The following RAD9B variants were observed in gnomAD, a reference collection of about 807,000 sequenced individuals.
RAD9B encodes cell cycle checkpoint control protein RAD9B.
In RAD9B, 41 loss-of-function variants were observed where a neutral mutation model predicts 48.3. The ratio of observed to expected loss-of-function variants is 0.85; its 90% CI spans 0.66 to 1.10. The LOEUF (loss-of-function observed/expected upper bound fraction) is 1.10, where lower values mean the gene tolerates loss of function less well. Among genes scored for constraint, RAD9B ranks in the 50% least tolerant of loss-of-function variants. The pLI is 0.00. For synonymous variants in RAD9B, 160 were observed against 157.9 expected (o/e 1.01, Z -0.10); for missense variants, 444 against 485.1 (o/e 0.92, Z 0.80).
chr12:110,520,745 G>C (rs2063761894), intron 9 of RAD9B, among the ~76,000 whole-genome samples: 1 of 149,626 alleles, frequency 6.7e-6, no homozygotes, highest in Admixed American at 6.7e-5. Context: ...CCACCCCCTG[G>C]GTTCAAGCAA....
At chr12:110,523,072 G>A (rs958195904) in intron 10 of RAD9B, among the ~76,000 whole-genome samples, 1 of 152,056 alleles carries the variant, frequency 6.6e-6, no homozygotes, top group Non-Finnish European at 1.5e-5. Context: ...TGTTATTGTT[G>A]GTTTGGAGAT....
chr12:110,530,468 T>C (rs899639689), intron 10 of RAD9B, 57 bp from the exon 11 acceptor site: 8 of 1,569,886 alleles, frequency 5.1e-6, no homozygotes, highest in Middle Eastern at 1.7e-4. Flanking sequence ...ACCTGGAGCA[T>C]TTAATGAGCA....
At chr12:110,510,607 C>T (rs533206270) in intron 4 of RAD9B, among the ~76,000 whole-genome samples, 57 of 152,166 alleles carry the variant, frequency 3.7e-4, no homozygotes, top group African/African-American at 1.3e-3. Context: ...AGTTGAGGCC[C>T]CAGACATGAA....
intron 6 of RAD9B, 122 bp from the exon 7 acceptor site, chr12:110,518,554 A>C: frequency 3.5e-6 from 2 of 569,492 alleles, no homozygotes; most frequent in African/African-American, 1.9e-5. Context: ...CAGGTGGGGA[A>C]GTTAGGGTAC....
At chr12:110,518,838 A>C in intron 7 of RAD9B, 36 bp from the exon 8 acceptor site, 1 of 1,573,758 alleles carries the variant, frequency 6.4e-7, no homozygotes, top group Non-Finnish European at 8.6e-7. Context: ...AGTTTTTATA[A>C]GGATTTTAAG....
At chr12:110,509,295 G>A (rs1012608250) in intron 4 of RAD9B, among the ~76,000 whole-genome samples, 1 of 151,094 alleles carries the variant, frequency 6.6e-6, no homozygotes, top group African/African-American at 2.4e-5. Flanking sequence ...TTGTAGAGAT[G>A]GGGTTTCACC....
chr12:110,512,929 T>A, intron 5 of RAD9B, 51 bp downstream of exon 5: 1 of 895,832 alleles, frequency 1.1e-6, no homozygotes, highest in Non-Finnish European at 1.8e-6. Flanking sequence ...AGTATGATCA[T>A]GGAGTGAAGA....
At chr12:110,527,574 T>C (rs1177490804) in intron 10 of RAD9B, among the ~76,000 whole-genome samples, 1 of 152,236 alleles carries the variant, frequency 6.6e-6, no homozygotes, top group African/African-American at 2.4e-5. Context: ...CTTGTGGTAC[T>C]GTGCAGCTCC....
In RAD9B at chr12:110,512,797, A is replaced by C; in HGVS notation, c.407A>C (p.Asn136Thr). The C allele has an allele frequency of 7.1e-7, 1 of 1,415,606 alleles. No individual in the cohort carries two copies. Among genetic ancestry groups the C allele is most frequent in the Non-Finnish European group, 9.8e-7 (1 of 1,024,982 alleles). 87.7% of individuals were successfully genotyped at this position (1,415,606 alleles called of 1,614,324 possible). A position where few individuals can be genotyped will look rare whatever the true frequency, so the allele number is the denominator to read the frequency against. ...FYRHGIKRTH[N>T]ICFQESQPLQ... is the part of the protein sequence containing the mutation. ...TTTTAAGGTATTAAAAGAACTCATAATATATGTTTTCAAGAAAGTCAGCCT... is the reference window on the plus strand; with the variant it reads ...TTTTAAGGTATTAAAAGAACTCATACTATATGTTTTCAAGAAAGTCAGCCT... The change falls in exon 5 of 11, where the codon AAT becomes ACT. Residue 136 changes from asparagine (N) to threonine (T), a missense_variant. Coordinates refer to ENST00000409300, the MANE Select transcript of RAD9B (RefSeq NM_001286535.2).
chr12:110,502,531 C>A, intron 1 of RAD9B, 148 bp downstream of exon 1: 1 of 843,082 alleles, frequency 1.2e-6, no homozygotes, highest in Non-Finnish European at 1.9e-6. Context: ...CCACTCAAGT[C>A]CCTGTTAACT....
intron 10 of RAD9B, among the ~76,000 whole-genome samples, chr12:110,522,953 C>A (rs188216335): frequency 1.2e-4 from 19 of 152,046 alleles, no homozygotes; most frequent in Non-Finnish European, 2.6e-4. Flanking sequence ...TTAAACCTTA[C>A]GAAATCTACT....
chr12:110,526,089 G>C (rs988905773), intron 10 of RAD9B, among the ~76,000 whole-genome samples: 3 of 152,296 alleles, frequency 2.0e-5, no homozygotes, highest in African/African-American at 7.2e-5. Context: ...CACCTGCCTT[G>C]GCCTCCCAAA....
chr12:110,506,819 G>A, intron 4 of RAD9B, 126 bp downstream of exon 4: 1 of 556,960 alleles, frequency 1.8e-6, no homozygotes, highest in South Asian at 2.0e-5. Context: ...GTAGTTAAGT[G>A]GTAGGGCAGT....
In RAD9B at chr12:110,531,070, A is replaced by C; in HGVS notation, c.*417A>C. The C allele has an allele frequency of 1.0e-6, 1 of 998,574 alleles. No individual in the cohort carries two copies. The highest frequency in any genetic ancestry group is 1.2e-6 in the Non-Finnish European group (1 of 838,856). The allele number at this position is 998,574 out of a possible 1,614,324, so 61.9% of individuals were successfully genotyped here. A position where few individuals can be genotyped will look rare whatever the true frequency, so the allele number is the denominator to read the frequency against. The stretch of plus-strand genomic sequence containing the variant: ...TCAGGTATCTTTTGTATTTGATTGC[A>C]AACATTTGGATTTTAGTTTTCTCAT... On this transcript the variant is annotated 3_prime_UTR_variant, in exon 11 of 11. Coordinates refer to ENST00000409300, the MANE Select transcript of RAD9B (RefSeq NM_001286535.2).
At chr12:110,502,487 T>G (rs2135626440) in intron 1 of RAD9B, 104 bp downstream of exon 1, 24 of 1,295,986 alleles carry the variant, frequency 1.9e-5, no homozygotes, top group Non-Finnish European at 2.2e-5. Context: ...TTTTGCGCAA[T>G]GACTGAGGAC....
chr12:110,510,460 T>C (rs1378473320), intron 4 of RAD9B, among the ~76,000 whole-genome samples: 1 of 152,186 alleles, frequency 6.6e-6, no homozygotes, highest in Non-Finnish European at 1.5e-5. Flanking sequence ...TAAGTGTTAT[T>C]GTGTGAGTTC....
At chr12:110,502,417 G>T in intron 1 of RAD9B, 34 bp downstream of exon 1, 2 of 1,611,186 alleles carry the variant, frequency 1.2e-6, no homozygotes, top group South Asian at 2.2e-5. Context: ...CCATTTAGCA[G>T]AGAGAAAAGC....
At position 110,522,397 on chromosome 12, in the gene RAD9B, C is replaced by G. The variant is rs2063813989; in HGVS notation, c.1111C>G (p.Leu371Val). The change falls in exon 10 of 11, where the codon CTG becomes GTG. Residue 371 changes from leucine (L) to valine (V), a missense_variant. By Grantham distance (32) the Leu-to-Val change is conservative. Coordinates refer to ENST00000409300, the MANE Select transcript of RAD9B (RefSeq NM_001286535.2). ...CAACACAGAGGAAGTGCCAGGGTCTCTGTGTCTCAGAAAGGTAAAAGCATT... is the reference window on the plus strand; with the variant it reads ...CAACACAGAGGAAGTGCCAGGGTCTGTGTGTCTCAGAAAGGTAAAAGCATT... ...VSNTEEVPGSLCLRKFSCMFF... is the reference protein window; with the variant it reads ...VSNTEEVPGSVCLRKFSCMFF... 2 of 1,607,862 alleles carry G rather than the reference C, an allele frequency of 1.2e-6. No homozygotes were observed. Among genetic ancestry groups the G allele is most frequent in the Non-Finnish European group, 8.5e-7 (1 of 1,176,740 alleles).
At chr12:110,512,056 A>G (rs2063476270) in intron 4 of RAD9B, among the ~76,000 whole-genome samples, 1 of 151,776 alleles carries the variant, frequency 6.6e-6, no homozygotes, top group East Asian at 1.9e-4. Context: ...CATGTTGGCC[A>G]GGATTGTGTC....
Sources: gnomAD v4.1 joint callset for allele counts (sites outside exome capture counted in the v4.1 genomes callset) on GRCh38, gnomAD v4.1.1 for gene constraint, MANE v1.5 for transcripts, NCBI Gene and HGNC (gene_info 2026-07-23, HGNC 2026-07-21) for gene names.